RTN4: variants seen among roughly 807,000 people sequenced by gnomAD.
RTN4 encodes the protein reticulon-4.
RTN4 carries 32 observed loss-of-function variants against 90.4 expected under a neutral mutation model. The ratio of observed to expected loss-of-function variants is 0.35; its 90% CI spans 0.27 to 0.48. RTN4 has a LOEUF of 0.48. Ranked by LOEUF, RTN4 falls within the 20% of genes least tolerant of loss-of-function variation. RTN4 has a pLI of 0.99. For missense variants in RTN4, 1,706 were observed against 1,430.2 expected, an observed-to-expected ratio of 1.19 and a Z score of -3.11; for synonymous variants, 629 against 552.5, an observed-to-expected ratio of 1.14 and a Z score of -1.94.
chr2:55,134,466 A>T, the RTN4 span, among the ~76,000 whole-genome samples: 2 of 151,894 alleles, frequency 1.3e-5, no homozygotes, highest in Non-Finnish European at 2.9e-5. Flanking sequence ...CAGCCCCCAG[A>T]CTCACTCCAT....
intron 1 of RTN4, among the ~76,000 whole-genome samples, chr2:55,093,271 A>C (rs1668972753): frequency 1.3e-5 from 2 of 152,164 alleles, no homozygotes. Context: ...ATGCTAAAAA[A>C]TACAACTGAA....
At chr2:54,976,827 C>G (rs1211159966) in intron 5 of RTN4, among the ~76,000 whole-genome samples, 1 of 152,150 alleles carries the variant, frequency 6.6e-6, no homozygotes, top group African/African-American at 2.4e-5. Context: ...AAATTCTACA[C>G]GATTCCATGG....
At chr2:55,021,717 T>C (rs546706170) in intron 3 of RTN4, among the ~76,000 whole-genome samples, 10 of 152,152 alleles carry the variant, frequency 6.6e-5, no homozygotes, top group Non-Finnish European at 1.2e-4. Flanking sequence ...CTTCCTTTTA[T>C]AGAAAAGGAA....
Position 55,026,757 on chromosome 2 carries a change from G to C in RTN4, c.1342C>G (p.Pro448Ala). 1 of 1,613,874 alleles carries C rather than the reference G, an allele frequency of 6.2e-7. No individual in the cohort carries two copies. Among genetic ancestry groups the C allele is most frequent in the Non-Finnish European group, 8.5e-7 (1 of 1,179,878 alleles). The change falls in exon 3 of 9, where the codon CCC (proline) becomes GCC (alanine). Residue 448 changes from proline (P) to alanine (A), a missense_variant. Pro to Ala is a conservative substitution (Grantham distance 27). Coordinates refer to ENST00000337526, the MANE Select transcript of RTN4 (RefSeq NM_020532.5). ...TCCTTTATACCTTCTGGCGTACTGGGGAAAGAAGTATCATCATTACTACTC... is the reference window on the plus strand; with the variant it reads ...TCCTTTATACCTTCTGGCGTACTGGCGAAAGAAGTATCATCATTACTACTC... ...SESSNDDTSFPSTPEGIKDRS... is the reference protein window; with the variant it reads ...SESSNDDTSFASTPEGIKDRS...
chr2:55,135,589 C>T, the RTN4 span, among the ~76,000 whole-genome samples: 5 of 152,132 alleles, frequency 3.3e-5, no homozygotes, highest in Non-Finnish European at 7.4e-5. Flanking sequence ...TTACACTTTA[C>T]TGAAGTATAA....
intron 3 of RTN4, among the ~76,000 whole-genome samples, chr2:54,995,378 T>C (rs140095799): frequency 6.6e-6 from 1 of 152,064 alleles, no homozygotes; most frequent in Non-Finnish European, 1.5e-5. Context: ...GTTGTAGTGG[T>C]GGTGGGTTAA....
At chr2:54,979,276 T>C (rs2104626256) in intron 5 of RTN4, among the ~76,000 whole-genome samples, 1 of 152,094 alleles carries the variant, frequency 6.6e-6, no homozygotes, top group Admixed American at 6.5e-5. Context: ...TAGGCTGGTC[T>C]CAAACTCCTG....
At chr2:55,130,325 T>C in the RTN4 span, among the ~76,000 whole-genome samples, 11 of 152,214 alleles carry the variant, frequency 7.2e-5, no homozygotes, top group African/African-American at 2.4e-4. Context: ...CTATAGGACA[T>C]ACAAGTATTT....
intron 3 of RTN4, chr2:55,010,406 C>A (rs1680548338): frequency 8.3e-7 from 1 of 1,201,894 alleles, no homozygotes; most frequent in African/African-American, 1.5e-5. Flanking sequence ...TTGCTCATAC[C>A]AAATGGAGCT....
intron 1 of RTN4, among the ~76,000 whole-genome samples, chr2:55,109,746 T>C (rs1311578932): frequency 1.3e-5 from 2 of 152,196 alleles, no homozygotes; most frequent in African/African-American, 2.4e-5. Flanking sequence ...TCAGAGCATA[T>C]GTTGACCCGA....
intron 5 of RTN4, among the ~76,000 whole-genome samples, chr2:54,981,359 A>T (rs745901333): frequency 9.2e-5 from 14 of 152,108 alleles, no homozygotes; most frequent in Admixed American, 2.0e-4. Flanking sequence ...CTGAGTCTAA[A>T]GGCCCAGTCA....
chr2:54,976,537 G>C (rs1677648182), intron 5 of RTN4, among the ~76,000 whole-genome samples: 1 of 152,210 alleles, frequency 6.6e-6, no homozygotes, highest in African/African-American at 2.4e-5. Context: ...CCAGGCCAGT[G>C]TTGCCAGAAA....
Position 54,974,706 on chromosome 2 carries a change from A to C in RTN4, c.3419T>G (p.Leu1140Arg). The change falls in exon 6 of 9, where the codon CTA becomes CGA. Residue 1140 changes from leucine (L) to arginine (R), a missense_variant. Transcript: ENST00000337526. ...CTTTGTAGACTTACCCAAAATCAGT[A>C]GTGTCAGACCATTAAACAAGGCACC... Reference protein sequence around the residue: ...YVGALFNGLTLLILALISLFS... With the variant: ...YVGALFNGLTRLILALISLFS... 1 of 1,613,440 alleles carries C rather than the reference A, an allele frequency of 6.2e-7. No individual in the cohort carries two copies. Among genetic ancestry groups the C allele is most frequent in the Non-Finnish European group, 8.5e-7 (1 of 1,179,342 alleles).
chr2:55,025,309 C>G lies in RTN4; in HGVS notation c.2790G>C (p.Glu930Asp), dbSNP rs1681747419. The change falls in exon 3 of 9, where the codon GAG (glutamate) becomes GAC (aspartate). Residue 930 changes from glutamate to aspartate, a missense_variant. Transcript: ENST00000337526. Reference protein sequence around the residue: ...SLKNIQPKVEEKISFSDDFSK... With the variant: ...SLKNIQPKVEDKISFSDDFSK... The stretch of plus-strand genomic sequence containing the variant: ...AAAAGTCATCTGAGAAACTGATTTT[C>G]TCTTCAACTTTGGGTTGTATGTTCT... 2 of 1,613,920 alleles carry G rather than the reference C, an allele frequency of 1.2e-6. No individual in the cohort carries two copies. The highest frequency in any genetic ancestry group is 1.7e-6 in the Non-Finnish European group (2 of 1,179,874).
chr2:55,048,109 C>T (rs1284680296), intron 1 of RTN4, among the ~76,000 whole-genome samples: 3 of 152,228 alleles, frequency 2.0e-5, no homozygotes, highest in African/African-American at 7.2e-5. Context: ...CTGTAGGCAA[C>T]TGTAACACAA....
intron 7 of RTN4, 36 bp downstream of exon 7, chr2:54,973,785 C>A: frequency 6.3e-7 from 1 of 1,592,882 alleles, no homozygotes; most frequent in Non-Finnish European, 8.6e-7. Flanking sequence ...AGAGTGAGTG[C>A]TCTATTCTGA....
At chr2:55,111,399 G>A (rs1668036015) in intron 1 of RTN4, among the ~76,000 whole-genome samples, 1 of 152,242 alleles carries the variant, frequency 6.6e-6, no homozygotes, top group Non-Finnish European at 1.5e-5. Flanking sequence ...ACTGTGGAAA[G>A]CAGATTCTCA....
At chr2:54,986,034 C>G (rs1043840003) in intron 4 of RTN4, among the ~76,000 whole-genome samples, 2 of 152,158 alleles carry the variant, frequency 1.3e-5, no homozygotes, top group African/African-American at 4.8e-5. Flanking sequence ...CTCCAAAGAG[C>G]TGGGTCTTGA....
chr2:55,026,635 T>C lies in RTN4; in HGVS notation c.1464A>G (p.Ser488=). ...TTTTTTTTTCATCGGTCTTATTTTC[T>C]GAAGTAGGATCTCCTAACAAAGGAA... ...NIFPLLGDPT[S]ENKTDEKKIE... The change falls in exon 3 of 9, where the codon TCA becomes TCG. Residue 488 remains serine, a synonymous_variant. Coordinates refer to ENST00000337526, the MANE Select transcript of RTN4 (RefSeq NM_020532.5). 1 of 1,613,056 alleles carries C rather than the reference T, an allele frequency of 6.2e-7. No individual in the cohort carries two copies. Among genetic ancestry groups the C allele is most frequent in the African/African-American group, 1.3e-5 (1 of 75,022 alleles).
Sources: gnomAD v4.1 joint callset for allele counts (sites outside exome capture counted in the v4.1 genomes callset) on GRCh38, gnomAD v4.1.1 for gene constraint, MANE v1.5 for transcripts, NCBI Gene and HGNC (gene_info 2026-07-23, HGNC 2026-07-21) for gene names.